Variants in ZNF560 observed in about 807,000 individuals in gnomAD.
ZNF560 encodes zinc finger protein 560.
Under a neutral mutation model 81.8 loss-of-function variants are expected in ZNF560, and 54 were observed. That is an observed-to-expected ratio of 0.66 (90% CI 0.53 to 0.83). ZNF560 has a LOEUF of 0.83. Ranked by LOEUF, ZNF560 falls within the 40% of genes least tolerant of loss-of-function variation. The probability of loss-of-function intolerance (pLI) is 0.00; values close to 1 mark genes in which losing one functional copy is unlikely to be tolerated. For missense variants in ZNF560, 940 were observed against 932.4 expected (o/e 1.01, Z -0.11); for synonymous variants, 321 against 317.9 (o/e 1.01, Z -0.10).
At chr19:9,496,295 A>G (rs74381536) in intron 2 of ZNF560, among the ~76,000 whole-genome samples, 2,781 of 151,994 alleles carry the variant, frequency 0.018, 79 homozygotes, top group African/African-American at 0.055. Context: ...GCAGTGAGCT[A>G]GGATCGTGAC....
chr19:9,474,198 C>G lies in ZNF560; in HGVS notation c.157+1G>C. On this transcript the variant is annotated splice_donor_variant, in intron 4 of 9. Coordinates refer to ENST00000301480, the MANE Select transcript of ZNF560 (RefSeq NM_152476.3). LOFTEE classifies it high-confidence loss of function. ...GCTGCATAAAATGATGGCAGTCTTA[C>G]CTACTTTGGCCACGTTCTCATAATT... 6.2e-7 allele frequency: 1 copy of G among 1,614,156 alleles called. No individual in the cohort carries two copies. The highest frequency in any genetic ancestry group is 8.5e-7 in the Non-Finnish European group (1 of 1,180,024).
At chr19:9,448,727 C>T in the ZNF560 span, among the ~76,000 whole-genome samples, 1 of 151,990 alleles carries the variant, frequency 6.6e-6, no homozygotes, top group South Asian at 2.1e-4. Flanking sequence ...ATGGTCTTAC[C>T]ACCCCATTTA....
At chr19:9,501,672 T>G (rs2073634476), upstream of ZNF560, among the ~76,000 whole-genome samples, 1 of 151,284 alleles carries the variant, frequency 6.6e-6, no homozygotes, top group Admixed American at 6.6e-5. Context: ...ATTTTTGTAT[T>G]TTTTTTTGTA....
At chr19:9,501,651 A>G (rs2073634259), upstream of ZNF560, among the ~76,000 whole-genome samples, 1 of 151,156 alleles carries the variant, frequency 6.6e-6, no homozygotes, top group South Asian at 2.1e-4. Flanking sequence ...ATGAGCCACC[A>G]CACCTGGCTA....
rs889472261 is a variant in ZNF560, at chr19:9,466,509, G to C, written c.*65C>G. 7.0e-7 allele frequency: 1 copy of C among 1,438,610 alleles called. No homozygotes were observed. The highest frequency in any genetic ancestry group is 9.4e-7 in the Non-Finnish European group (1 of 1,063,064). The allele number at this position is 1,438,610 out of a possible 1,614,324, so 89.1% of individuals were successfully genotyped here. ...TACTTTCTCCTGTGAATTTTTACAT[G>C]TTCAGTTAGGCTTGAGGAAACAGCA... On this transcript the variant is annotated 3_prime_UTR_variant, in exon 10 of 10. Transcript: ENST00000301480.
Position 9,468,018 on chromosome 19 carries a change from T to C in ZNF560, c.929A>G (p.His310Arg), listed in dbSNP as rs752668964. The C allele has an allele frequency of 2.5e-6, 4 of 1,614,204 alleles. No individual in the cohort carries two copies. Among genetic ancestry groups the C allele is most frequent in the East Asian group, 4.5e-5 (2 of 44,884 alleles). The change falls in exon 10 of 10, where the codon CAC (histidine) becomes CGC (arginine). Residue 310 changes from histidine (H) to arginine (R), a missense_variant. Transcript: ENST00000301480. ...AFIYQSYLEA[H>R]RKTQSGEKLN... Reference sequence around the variant, plus strand: ...TTTTTCTCCACTCTGAGTTTTCCTGTGTGCTTCAAGGTATGACTGATAAAT... The same window carrying C: ...TTTTTCTCCACTCTGAGTTTTCCTGCGTGCTTCAAGGTATGACTGATAAAT...
chr19:9,447,919 C>G, the ZNF560 span, among the ~76,000 whole-genome samples: 108 of 152,220 alleles, frequency 7.1e-4, 3 homozygotes, highest in Admixed American at 6.4e-3. Context: ...AGTCACCAGC[C>G]TAAGGTCAAC....
rs544123565 is a variant in ZNF560, at chr19:9,467,445, G to T, written c.1502C>A (p.Ser501Ter). Residue 501 changes from serine to a stop codon, truncating the protein, a stop_gained, in exon 10 of 10, where the codon TCA becomes TAA. Coordinates refer to ENST00000301480, the MANE Select transcript of ZNF560 (RefSeq NM_152476.3). LOFTEE classifies it high-confidence loss of function. ...AGTTCTCAAATGAGCAAAAAGAGATGAGAAAGAAACAAAGACTTTCCCACA... is the reference window on the plus strand; with the variant it reads ...AGTTCTCAAATGAGCAAAAAGAGATTAGAAAGAAACAAAGACTTTCCCACA... ...DQCGKVFVSFSSLFAHLRTHT... is the reference protein window; with the variant it reads ...DQCGKVFVSF 2 of 1,614,058 alleles carry T rather than the reference G, an allele frequency of 1.2e-6. No individual in the cohort carries two copies. Among genetic ancestry groups the T allele is most frequent in the Admixed American group, 3.3e-5 (2 of 59,990 alleles).
chr19:9,484,509 T>C (rs2073353854), intron 2 of ZNF560, among the ~76,000 whole-genome samples: 2 of 151,712 alleles, frequency 1.3e-5, no homozygotes, highest in African/African-American at 4.8e-5. Context: ...TGGCAGAGTA[T>C]GGTGGCTCAC....
intron 9 of ZNF560, among the ~76,000 whole-genome samples, chr19:9,468,757 A>G (rs1599650126): frequency 8.2e-6 from 1 of 121,586 alleles, no homozygotes; most frequent in South Asian, 2.4e-4. Context: ...AGATGGGGTT[A>G]CGCTCTGTTG....
intron 5 of ZNF560, 127 bp from the exon 6 acceptor site, chr19:9,471,505 T>C (rs1296437443): frequency 6.3e-6 from 4 of 638,900 alleles, no homozygotes; most frequent in East Asian, 6.3e-5. Flanking sequence ...GAAAGCTAAA[T>C]TGAACATTTA....
downstream of ZNF560, among the ~76,000 whole-genome samples, chr19:9,462,036 C>T (rs560536065): frequency 1.1e-4 from 17 of 152,282 alleles, no homozygotes; most frequent in African/African-American, 3.4e-4. Context: ...TCTGCAGATG[C>T]GGATCCTGAC....
chr19:9,455,168 G>T, the ZNF560 span, among the ~76,000 whole-genome samples: 1 of 152,182 alleles, frequency 6.6e-6, no homozygotes, highest in African/African-American at 2.4e-5. Flanking sequence ...ATCAACAGGG[G>T]AATGTTATGG....
Position 9,467,662 on chromosome 19 carries a change from C to T in ZNF560, c.1285G>A (p.Glu429Lys). The T allele has an allele frequency of 6.2e-7, 1 of 1,614,108 alleles. No individual in the cohort carries two copies. The highest frequency in any genetic ancestry group is 1.3e-5 in the African/African-American group (1 of 75,032). ...LIEHIRCHAR[E>K]KTFKCDHCGK... Reference sequence around the variant, plus strand: ...CAGTGGTCACATTTAAAGGTTTTCTCTCTGGCGTGACATCTTATATGTTCA... The same window carrying T: ...CAGTGGTCACATTTAAAGGTTTTCTTTCTGGCGTGACATCTTATATGTTCA... The change falls in exon 10 of 10, where the codon GAG becomes AAG. Residue 429 changes from glutamate (E) to lysine (K), a missense_variant. Glu to Lys is a moderately conservative substitution (Grantham distance 56, BLOSUM62 1). Coordinates refer to ENST00000301480, the MANE Select transcript of ZNF560 (RefSeq NM_152476.3).
the ZNF560 span, among the ~76,000 whole-genome samples, chr19:9,504,362 G>A: frequency 2.0e-5 from 3 of 152,156 alleles, no homozygotes; most frequent in East Asian, 1.9e-4. Context: ...TTAAACCTGG[G>A]AGATGGAGGT....
intron 2 of ZNF560, among the ~76,000 whole-genome samples, chr19:9,485,543 C>T (rs1464500882): frequency 6.7e-6 from 1 of 149,730 alleles, no homozygotes; most frequent in Admixed American, 6.6e-5. Context: ...GAACATTAAC[C>T]AAAAGATTTT....
the ZNF560 span, among the ~76,000 whole-genome samples, chr19:9,458,448 G>T: frequency 6.6e-6 from 1 of 152,232 alleles, no homozygotes; most frequent in Non-Finnish European, 1.5e-5. Flanking sequence ...CGGAGCTTGA[G>T]GCTGTAATTG....
At chr19:9,468,775 T>A (rs891313819) in intron 9 of ZNF560, among the ~76,000 whole-genome samples, 1 of 150,764 alleles carries the variant, frequency 6.6e-6, no homozygotes, top group African/African-American at 2.4e-5. Flanking sequence ...TTGCCCAGGC[T>A]GTAGTGTGCA....
At chr19:9,464,769 G>A (rs1268528375), downstream of ZNF560, among the ~76,000 whole-genome samples, 2 of 152,190 alleles carry the variant, frequency 1.3e-5, no homozygotes, top group South Asian at 2.1e-4. Flanking sequence ...GTTGCTATAG[G>A]AGAAAGACAT....
Sources: allele counts gnomAD v4.1 joint callset (sites outside exome capture counted in the v4.1 genomes callset), GRCh38; gene constraint gnomAD v4.1.1; transcripts MANE v1.5; gene names NCBI Gene and HGNC (gene_info 2026-07-23, HGNC 2026-07-21).